Variants in ERI3 observed in about 807,000 individuals in gnomAD.
ERI3 encodes the protein ERI1 exoribonuclease 3.
A neutral mutation model predicts 44.4 loss-of-function variants in ERI3; 18 were observed. The observed-to-expected ratio is 0.41, with a 90% CI of 0.28 to 0.60. The LOEUF (loss-of-function observed/expected upper bound fraction) is 0.60. Among genes scored for constraint, ERI3 ranks in the 20% least tolerant of loss-of-function variants. The probability of loss-of-function intolerance (pLI) is 0.36; values close to 1 mark genes in which losing one functional copy is unlikely to be tolerated. For missense variants in ERI3, 294 were observed against 435.5 expected, an observed-to-expected ratio of 0.68 and a Z score of 2.89; for synonymous variants, 183 against 164.8, an observed-to-expected ratio of 1.11 and a Z score of -0.84.
Position 44,312,819 on chromosome 1 carries a change from T to C in ERI3, c.666+350A>G, listed in dbSNP as rs142815021. On this transcript the variant is annotated intron_variant, in intron 5 of 8. Transcript: ENST00000372257. ...GCTAAACAAAAACACCTCCAGTCCC[T>C]GGGGCTAGTCCCACAGTACCAAGCT... is the stretch of plus-strand genomic sequence containing the variant. Among the ~76,000 whole-genome samples, 534 of 152,332 alleles carry C rather than the reference T, an allele frequency of 3.5e-3. 3 individuals carry two copies. The highest frequency in any genetic ancestry group is 0.012 in the African/African-American group (497 of 41,586).
chr1:44,236,660 G>A (rs1644311916), intron 8 of ERI3, among the ~76,000 whole-genome samples: 1 of 152,146 alleles, frequency 6.6e-6, no homozygotes, highest in Admixed American at 6.5e-5. Flanking sequence ...AGGGCGTGGA[G>A]TGTGGGGAGC....
At chr1:44,316,436 C>T (rs979327710) in intron 4 of ERI3, among the ~76,000 whole-genome samples, 6 of 152,356 alleles carry the variant, frequency 3.9e-5, no homozygotes, top group African/African-American at 1.4e-4. Context: ...TGGCTGGTTA[C>T]TGAGATCCCC....
chr1:44,327,392 A>T (rs1165174008), intron 3 of ERI3, among the ~76,000 whole-genome samples: 1 of 152,248 alleles, frequency 6.6e-6, no homozygotes, highest in Non-Finnish European at 1.5e-5. Flanking sequence ...GTTGTGGATC[A>T]GAATAATACT....
intron 8 of ERI3, among the ~76,000 whole-genome samples, chr1:44,238,156 C>T (rs577027522): frequency 1.3e-5 from 2 of 152,266 alleles, no homozygotes; most frequent in South Asian, 2.1e-4. Context: ...ATGAAAAATC[C>T]AGCTGAGGAG....
At chr1:44,276,864 T>G (rs189037957) in intron 7 of ERI3, among the ~76,000 whole-genome samples, 16 of 152,230 alleles carry the variant, frequency 1.1e-4, no homozygotes, top group Admixed American at 1.0e-3. Context: ...AATCTAAATG[T>G]CTACTTTCTC....
intron 3 of ERI3, among the ~76,000 whole-genome samples, chr1:44,327,972 A>G (rs1646348875): frequency 6.6e-6 from 1 of 152,208 alleles, no homozygotes; most frequent in Non-Finnish European, 1.5e-5. Context: ...TTCTGGTCAG[A>G]CTACTTGGCC....
At chr1:44,334,664 T>C (rs937496517) in intron 3 of ERI3, among the ~76,000 whole-genome samples, 11 of 152,134 alleles carry the variant, frequency 7.2e-5, no homozygotes, top group Non-Finnish European at 1.5e-5. Context: ...ATAAAATGAG[T>C]GCAAAAACCA....
chr1:44,255,710 C>T (rs1021189155), intron 7 of ERI3, among the ~76,000 whole-genome samples: 1 of 152,176 alleles, frequency 6.6e-6, no homozygotes, highest in African/African-American at 2.4e-5. Context: ...CAAACTGCTT[C>T]TTCTCCTGGG....
chr1:44,352,276 C>G (rs1646907423), intron 2 of ERI3, among the ~76,000 whole-genome samples: 1 of 152,188 alleles, frequency 6.6e-6, no homozygotes, highest in Non-Finnish European at 1.5e-5. Flanking sequence ...AGGCCTTGGT[C>G]AAATACATTA....
At chr1:44,246,127 G>C (rs573283851) in intron 8 of ERI3, among the ~76,000 whole-genome samples, 1 of 152,118 alleles carries the variant, frequency 6.6e-6, no homozygotes, top group South Asian at 2.1e-4. Context: ...CCTTTAACCA[G>C]GCATTCAAGG....
chr1:44,323,889 G>A (rs1171495883), intron 3 of ERI3, among the ~76,000 whole-genome samples: 3 of 152,136 alleles, frequency 2.0e-5, no homozygotes, highest in African/African-American at 7.2e-5. Context: ...AAATATGAAG[G>A]GTCAAGAAAG....
intron 8 of ERI3, among the ~76,000 whole-genome samples, chr1:44,238,550 G>A (rs1644361099): frequency 6.6e-6 from 1 of 152,118 alleles, no homozygotes; most frequent in Non-Finnish European, 1.5e-5. Flanking sequence ...TCGTTGCGGA[G>A]ATCACAAGGC....
At chr1:44,285,415 G>A (rs1029994267) in intron 6 of ERI3, among the ~76,000 whole-genome samples, 5 of 152,182 alleles carry the variant, frequency 3.3e-5, no homozygotes, top group Non-Finnish European at 5.9e-5. Context: ...AGACAAGATA[G>A]GAGGAGAGAA....
chr1:44,349,449 C>T (rs1396076128), intron 2 of ERI3, among the ~76,000 whole-genome samples: 1 of 152,184 alleles, frequency 6.6e-6, no homozygotes, highest in Non-Finnish European at 1.5e-5. Flanking sequence ...GTGTGAGCCA[C>T]CACGCCTGGC....
intron 7 of ERI3, chr1:44,284,147 G>A: frequency 2.2e-6 from 1 of 455,638 alleles, no homozygotes; most frequent in South Asian, 1.6e-5. Flanking sequence ...TCTAGAGCAG[G>A]GATACTCTGC....
intron 2 of ERI3, among the ~76,000 whole-genome samples, chr1:44,342,809 G>GCCA (rs1478616912): frequency 2.0e-5 from 1 of 51,068 alleles, no homozygotes; most frequent in Non-Finnish European, 3.5e-5. Context: ...ACCACATCCA[G>GCCA]CTAATATATA....
intron 7 of ERI3, among the ~76,000 whole-genome samples, chr1:44,278,685 T>C (rs531657442): frequency 7.8e-4 from 118 of 152,208 alleles, no homozygotes; most frequent in African/African-American, 2.6e-3. Context: ...CAACCTCCAT[T>C]GCCTCCCGGG....
chr1:44,231,008 T>G (rs1012944512), intron 8 of ERI3, among the ~76,000 whole-genome samples: 6 of 152,246 alleles, frequency 3.9e-5, no homozygotes, highest in Admixed American at 1.3e-4. Context: ...GTGCAATATT[T>G]GCATATACAT....
At chr1:44,266,316 A>G (rs1185982041) in intron 7 of ERI3, among the ~76,000 whole-genome samples, 15 of 152,236 alleles carry the variant, frequency 9.9e-5, no homozygotes, top group East Asian at 5.8e-4. Flanking sequence ...GCCAAATGGA[A>G]TAACAGTGAA....
Sources: gnomAD v4.1 joint callset for allele counts (sites outside exome capture counted in the v4.1 genomes callset) on GRCh38, gnomAD v4.1.1 for gene constraint, MANE v1.5 for transcripts, NCBI Gene and HGNC (gene_info 2026-07-23, HGNC 2026-07-21) for gene names.